The following PSME4 variants were observed in gnomAD, a reference collection of about 807,000 sequenced individuals.
The protein encoded by PSME4 is proteasome activator subunit 4, also known as proteasome activator complex subunit 4.
In PSME4, 89 loss-of-function variants were observed where a neutral mutation model predicts 253.9. The ratio of observed to expected loss-of-function variants is 0.35; its 90% CI spans 0.30 to 0.42. The LOEUF (loss-of-function observed/expected upper bound fraction) is 0.42. Ranked by LOEUF, PSME4 falls within the 10% of genes least tolerant of loss-of-function variation. The pLI, the probability that PSME4 is intolerant of heterozygous loss-of-function variation, is 1.00. For synonymous variants in PSME4, 851 were observed against 759.2 expected, an observed-to-expected ratio of 1.12 and a Z score of -1.99; for missense variants, 2,014 against 2,195.2, an observed-to-expected ratio of 0.92 and a Z score of 1.65.
intron 24 of PSME4, 75 bp downstream of exon 24, chr2:53,908,245 G>A (rs1667656533): frequency 8.3e-7 from 1 of 1,201,878 alleles, no homozygotes; most frequent in Admixed American, 2.3e-5. Context: ...TCTATATGCT[G>A]AATAATACCC....
rs10599430 is a variant in PSME4, at chr2:53,876,716, C to CTTTTTTTTTTTTTTTTTTTTT, written c.4816-962_4816-961insAAAAAAAAAAAAAAAAAAAAA. Among the ~76,000 whole-genome samples the CTTTTTTTTTTTTTTTTTTTTT allele has an allele frequency of 3.4e-3, 328 of 97,828 alleles. 33 individuals are homozygous for CTTTTTTTTTTTTTTTTTTTTT. Among genetic ancestry groups the CTTTTTTTTTTTTTTTTTTTTT allele is most frequent in the Middle Eastern group, 0.013 (2 of 156 alleles). The allele number at this position is 97,828 out of a possible 152,430, so 64.2% of individuals were successfully genotyped here. On this transcript the variant is annotated intron_variant, in intron 41 of 46. Transcript: ENST00000404125. ...TCTGATGGCTGTAGCCACTGTCATT[C>CTTTTTTTTTTTTTTTTTTTTT]TTTTTTTTTTTTTTTTTTTTGAGAC...
chr2:53,915,626 G>C (rs1668024707), intron 20 of PSME4, among the ~76,000 whole-genome samples: 1 of 151,752 alleles, frequency 6.6e-6, no homozygotes, highest in Non-Finnish European at 1.5e-5. Context: ...CTTTTTGTTT[G>C]TTTTGTTTTT....
rs576381803 is a variant in PSME4, at chr2:53,890,624, C to A, written c.4192-416G>T. On this transcript the variant is annotated intron_variant, in intron 36 of 46. Transcript: ENST00000404125. ...GCCTGGCCCTAATTATTTTTTAGAGCACCCAAATAATCCAGCAAAGTACAT... is the reference window on the plus strand; with the variant it reads ...GCCTGGCCCTAATTATTTTTTAGAGAACCCAAATAATCCAGCAAAGTACAT... 3.7e-4 allele frequency among the ~76,000 whole-genome samples: 57 copies of A among 152,268 alleles called. 1 individual carries two copies. In the South Asian group the frequency reaches 0.011, roughly 29 times the overall value.
intron 11 of PSME4, 72 bp from the exon 12 acceptor site, chr2:53,927,555 C>T (rs1668615130): frequency 9.8e-7 from 1 of 1,023,382 alleles, no homozygotes; most frequent in Non-Finnish European, 1.5e-6. Context: ...CCATGAACTA[C>T]AATAAATTAC....
chr2:53,936,182 C>T lies in PSME4; in HGVS notation c.760-21G>A, dbSNP rs986489392. 84 of 1,612,424 alleles carry T rather than the reference C, an allele frequency of 5.2e-5. 3 individuals carry two copies. In the Admixed American group the frequency reaches 9.4e-4, roughly 18 times the overall value. On this transcript the variant is annotated intron_variant, in intron 6 of 46. Coordinates refer to ENST00000404125, the MANE Select transcript of PSME4 (RefSeq NM_014614.3). ...AGTTGCTGAAAGTAAACAAAAAGGACAAAGTTAATATATTTGTTGTTATTG... is the reference window on the plus strand; with the variant it reads ...AGTTGCTGAAAGTAAACAAAAAGGATAAAGTTAATATATTTGTTGTTATTG...
intron 18 of PSME4, 32 bp downstream of exon 18, chr2:53,920,857 T>C (rs761031028): frequency 1.2e-5 from 18 of 1,521,508 alleles, no homozygotes; most frequent in Non-Finnish European, 1.6e-5. Context: ...AATCAACATA[T>C]TCTTGAATCC....
intron 10 of PSME4, among the ~76,000 whole-genome samples, chr2:53,929,543 C>T (rs1558693618): frequency 2.0e-5 from 3 of 151,906 alleles, no homozygotes; most frequent in Non-Finnish European, 4.4e-5. Context: ...AATCCATCTT[C>T]CTCAGACTTC....
chr2:53,873,291 G>A (rs957385176), intron 43 of PSME4, among the ~76,000 whole-genome samples: 2 of 149,292 alleles, frequency 1.3e-5, no homozygotes, highest in African/African-American at 4.9e-5. Flanking sequence ...GAGTACCACC[G>A]GGACTAGAAA....
chr2:53,905,440 C>A (rs1680611215), intron 26 of PSME4, among the ~76,000 whole-genome samples: 1 of 152,146 alleles, frequency 6.6e-6, no homozygotes. Flanking sequence ...GTGGCTCACA[C>A]CTGTAATCCC....
At chr2:53,877,991 A>G (rs1191889020) in intron 41 of PSME4, among the ~76,000 whole-genome samples, 1 of 152,212 alleles carries the variant, frequency 6.6e-6, no homozygotes, top group African/African-American at 2.4e-5. Flanking sequence ...GATGTTTAAT[A>G]TCATACTGTA....
At chr2:53,870,155 G>C (rs1317815836) in intron 43 of PSME4, 1 of 152,116 alleles carries the variant, frequency 6.6e-6, no homozygotes, top group Non-Finnish European at 1.5e-5. Context: ...ACAAACATTT[G>C]TTTAATATTC....
chr2:53,939,924 C>T, intron 4 of PSME4, 32 bp downstream of exon 4: 3 of 1,545,386 alleles, frequency 1.9e-6, no homozygotes, highest in Admixed American at 1.7e-5. Context: ...ACAGAAACAA[C>T]AAGAGGCTTT....
In PSME4 at chr2:53,888,005, C is replaced by A; in HGVS notation, c.4389-16G>T. Reference sequence around the variant, plus strand: ...ATAAAGTCGACTAAAATTAAAGCATCGTAGTGTTATATTGGAGGCCCTTTC... The same window carrying A: ...ATAAAGTCGACTAAAATTAAAGCATAGTAGTGTTATATTGGAGGCCCTTTC... On this transcript the variant is annotated splice_polypyrimidine_tract_variant and intron_variant, in intron 38 of 46. Coordinates refer to ENST00000404125, the MANE Select transcript of PSME4 (RefSeq NM_014614.3). 1 of 1,603,236 alleles carries A rather than the reference C, an allele frequency of 6.2e-7. No individual in the cohort carries two copies. Among genetic ancestry groups the A allele is most frequent in the African/African-American group, 1.3e-5 (1 of 74,388 alleles).
chr2:53,908,938 T>G, intron 21 of PSME4, 98 bp from the exon 22 acceptor site: 1 of 897,238 alleles, frequency 1.1e-6, no homozygotes, highest in Non-Finnish European at 1.7e-6. Flanking sequence ...GGATAAAGTA[T>G]TGGAGAAAAA....
rs748909894 is a variant in PSME4 at position 53,934,727 on chromosome 2, T to C, written c.835A>G (p.Ile279Val). 1 of 1,580,688 alleles carries C rather than the reference T, an allele frequency of 6.3e-7. No individual in the cohort carries two copies. The highest frequency in any genetic ancestry group is 1.7e-5 in the Admixed American group (1 of 59,258). The change falls in exon 8 of 47, where the codon ATA (isoleucine) becomes GTA (valine). Residue 279 changes from isoleucine to valine, a missense_variant and splice_region_variant. Transcript: ENST00000404125. ...YIDWDPYVPK[I>V]FTRILRSLNL... Reference sequence around the variant, plus strand: ...AAGCTTCTCAGAATTCTTGTAAATATCTTTTAAAAGAAAAAAATAAGTAAG... The same window carrying C: ...AAGCTTCTCAGAATTCTTGTAAATACCTTTTAAAAGAAAAAAATAAGTAAG...
At chr2:53,960,476 G>A (rs1296019058) in intron 1 of PSME4, among the ~76,000 whole-genome samples, 1 of 151,698 alleles carries the variant, frequency 6.6e-6, no homozygotes, top group African/African-American at 2.4e-5. Flanking sequence ...CGGTGGCAAG[G>A]AGAAATAACA....
intron 20 of PSME4, among the ~76,000 whole-genome samples, chr2:53,910,465 TAAAAC>T (rs1667778580): frequency 6.6e-6 from 1 of 152,226 alleles, no homozygotes; most frequent in Non-Finnish European, 1.5e-5. Flanking sequence ...GCACAACAGT[TAAAAC>T]AAATTTTACT....
intron 1 of PSME4, among the ~76,000 whole-genome samples, chr2:53,968,575 C>T (rs1238228643): frequency 6.6e-6 from 1 of 152,152 alleles, no homozygotes; most frequent in Non-Finnish European, 1.5e-5. Flanking sequence ...CCCAAGATCA[C>T]AACATGTCCC....
intron 1 of PSME4, among the ~76,000 whole-genome samples, chr2:53,966,817 A>G (rs1254942295): frequency 6.6e-6 from 1 of 152,092 alleles, no homozygotes; most frequent in Non-Finnish European, 1.5e-5. Flanking sequence ...CTCCTGCCTC[A>G]GCCTCCTGAG....
Sources: allele counts gnomAD v4.1 joint callset (sites outside exome capture counted in the v4.1 genomes callset), GRCh38; gene constraint gnomAD v4.1.1; transcripts MANE v1.5; gene names NCBI Gene and HGNC (gene_info 2026-07-23, HGNC 2026-07-21).